CLASP1: variants seen among roughly 807,000 people sequenced by gnomAD.
The protein encoded by CLASP1 is cytoplasmic linker associated protein 1.
In CLASP1, 38 loss-of-function variants were observed where a neutral mutation model predicts 192.3. That is an observed-to-expected ratio of 0.20 (90% CI 0.15 to 0.26). The LOEUF (loss-of-function observed/expected upper bound fraction) is 0.26, where lower values mean the gene tolerates loss of function less well. Among genes scored for constraint, CLASP1 ranks in the 10% least tolerant of loss-of-function variants. CLASP1 has a pLI of 1.00. For missense variants in CLASP1, 1,433 were observed against 1,932.5 expected, an observed-to-expected ratio of 0.74 and a Z score of 4.85; for synonymous variants, 691 against 712.8, an observed-to-expected ratio of 0.97 and a Z score of 0.49.
At chr2:121,396,800 C>T (rs1179234844) in intron 30 of CLASP1, among the ~76,000 whole-genome samples, 1 of 152,160 alleles carries the variant, frequency 6.6e-6, no homozygotes, top group Non-Finnish European at 1.5e-5. Flanking sequence ...ACCCTGTAGC[C>T]AGCTAGCCCT....
In CLASP1 at chr2:121,478,750, A is replaced by C. The variant is rs1575270512; in HGVS notation, c.713-8790T>G. Among the ~76,000 whole-genome samples, 12 of 59,494 alleles carry C rather than the reference A, an allele frequency of 2.0e-4. 1 individual carries two copies. The highest frequency in any genetic ancestry group is 1.2e-3 in the South Asian group (2 of 1,688). The allele number at this position is 59,494 out of a possible 152,430, so 39.0% of individuals were successfully genotyped here. ...CACACCACACACACACCCCACACAC[A>C]CCACACACACACCACACACCCCACA... On this transcript the variant is annotated intron_variant, in intron 8 of 39. Transcript: ENST00000263710.
At chr2:121,474,964 A>G (rs2091422083) in intron 8 of CLASP1, among the ~76,000 whole-genome samples, 1 of 152,234 alleles carries the variant, frequency 6.6e-6, no homozygotes, top group African/African-American at 2.4e-5. Flanking sequence ...AAGGCCTAAT[A>G]GCCTAATAGA....
chr2:121,506,830 G>A (rs957304946), intron 7 of CLASP1, among the ~76,000 whole-genome samples: 6 of 152,210 alleles, frequency 3.9e-5, no homozygotes, highest in African/African-American at 1.4e-4. Flanking sequence ...TCACCGCTAA[G>A]CTAACCAACC....
chr2:121,524,892 G>T (rs2094538885), intron 6 of CLASP1, among the ~76,000 whole-genome samples: 1 of 152,176 alleles, frequency 6.6e-6, no homozygotes, highest in Non-Finnish European at 1.5e-5. Context: ...AAAGAGAAGG[G>T]AGAGACGCCT....
At chr2:121,560,082 A>T (rs2058942149) in intron 2 of CLASP1, among the ~76,000 whole-genome samples, 1 of 152,108 alleles carries the variant, frequency 6.6e-6, no homozygotes, top group Admixed American at 6.6e-5. Flanking sequence ...TAAGAAGCTC[A>T]CACTAAGGGA....
At chr2:121,445,217 T>C (rs1413977228) in intron 19 of CLASP1, among the ~76,000 whole-genome samples, 1 of 152,184 alleles carries the variant, frequency 6.6e-6, no homozygotes, top group African/African-American at 2.4e-5. Context: ...CCCAGGGTAG[T>C]GCCACAGTTG....
At chr2:121,633,426 C>A (rs549439776) in intron 1 of CLASP1, among the ~76,000 whole-genome samples, 2 of 142,242 alleles carry the variant, frequency 1.4e-5, no homozygotes, top group East Asian at 4.1e-4. Context: ...CCTAAAAGAA[C>A]AATGTCTAAC....
intron 8 of CLASP1, among the ~76,000 whole-genome samples, chr2:121,496,868 T>C (rs553214527): frequency 6.6e-6 from 1 of 152,316 alleles, no homozygotes; most frequent in South Asian, 2.1e-4. Context: ...TGTGTATATA[T>C]ACACAATGGT....
intron 14 of CLASP1, among the ~76,000 whole-genome samples, chr2:121,452,576 A>G (rs1329083483): frequency 6.6e-6 from 1 of 152,092 alleles, no homozygotes; most frequent in Non-Finnish European, 1.5e-5. Flanking sequence ...GGATCACTTG[A>G]GGTCATGAGT....
chr2:121,530,883 C>T lies in CLASP1; in HGVS notation c.196-558G>A, dbSNP rs564290155. 313 of 692,286 alleles carry T rather than the reference C, an allele frequency of 4.5e-4. No homozygotes were observed. The highest frequency in any genetic ancestry group is 5.6e-4 in the Non-Finnish European group (213 of 378,510). 42.9% of individuals were successfully genotyped at this position (692,286 alleles called of 1,614,324 possible). On this transcript the variant is annotated intron_variant, in intron 2 of 39. Coordinates refer to ENST00000263710, the Ensembl canonical transcript of CLASP1. Reference sequence around the variant, plus strand: ...CAGCCCAGGGACTTTCTATTATAACCATCCTTTTCTTGGGGTTGCGCTACT... The same window carrying T: ...CAGCCCAGGGACTTTCTATTATAACTATCCTTTTCTTGGGGTTGCGCTACT...
intron 34 of CLASP1, among the ~76,000 whole-genome samples, chr2:121,369,984 G>A (rs1172843707): frequency 6.6e-6 from 1 of 152,124 alleles, no homozygotes; most frequent in African/African-American, 2.4e-5. Flanking sequence ...AGATCCTTAT[G>A]CTCTTTCTAG....
chr2:121,435,740 AT>A (rs1445542603), intron 19 of CLASP1, among the ~76,000 whole-genome samples: 1 of 152,234 alleles, frequency 6.6e-6, no homozygotes, highest in Admixed American at 6.5e-5. Context: ...AGATACAGTA[AT>A]TTTAAGGGCT....
chr2:121,642,401 TAA>T lies in CLASP1; in HGVS notation c.-286+6969_-286+6970del, dbSNP rs35181269. Among the ~76,000 whole-genome samples the T allele has an allele frequency of 7.0e-3, 750 of 107,422 alleles. 7 individuals are homozygous for T. Among genetic ancestry groups the T allele is most frequent in the African/African-American group, 0.023 (676 of 29,892 alleles). The allele number at this position is 107,422 out of a possible 152,430, so 70.5% of individuals were successfully genotyped here. On this transcript the variant is annotated intron_variant, in intron 1 of 39. Transcript: ENST00000263710. ...GGTGACAGAGCAGGTATCTTTTTGC[TAA>T]AAAAAAAAAAAAAAAGAAAAAAGAA...
chr2:121,390,001 A>C (rs1401870455), intron 30 of CLASP1, among the ~76,000 whole-genome samples: 2 of 152,156 alleles, frequency 1.3e-5, no homozygotes, highest in Non-Finnish European at 2.9e-5. Flanking sequence ...CAGTCTCTGG[A>C]GTAGCTGGGA....
chr2:121,495,131 G>A (rs2093475196), intron 8 of CLASP1, among the ~76,000 whole-genome samples: 2 of 151,904 alleles, frequency 1.3e-5, no homozygotes, highest in Admixed American at 1.3e-4. Flanking sequence ...GACCATCCTG[G>A]CTAACACAGT....
intron 37 of CLASP1, among the ~76,000 whole-genome samples, chr2:121,349,222 A>G (rs942966244): frequency 2.0e-5 from 3 of 151,870 alleles, no homozygotes; most frequent in African/African-American, 7.3e-5. Flanking sequence ...CCTGGGTGAC[A>G]GTGCAAGACT....
At chr2:121,517,316 A>G (rs530733262) in intron 6 of CLASP1, among the ~76,000 whole-genome samples, 1 of 152,360 alleles carries the variant, frequency 6.6e-6, no homozygotes, top group South Asian at 2.1e-4. Context: ...GTGGAGAATG[A>G]AGAGAAAAGA....
At chr2:121,343,279 G>A (rs1278179915) in intron 39 of CLASP1, among the ~76,000 whole-genome samples, 4 of 152,176 alleles carry the variant, frequency 2.6e-5, no homozygotes, top group Non-Finnish European at 5.9e-5. Flanking sequence ...TAGAACCCTT[G>A]TGCACTGTTG....
intron 37 of CLASP1, among the ~76,000 whole-genome samples, chr2:121,351,090 G>A (rs1029232167): frequency 2.6e-5 from 4 of 152,276 alleles, no homozygotes; most frequent in East Asian, 1.9e-4. Flanking sequence ...CACCTCATTC[G>A]TCTTCCTGAA....
Sources: allele counts gnomAD v4.1 joint callset (sites outside exome capture counted in the v4.1 genomes callset), GRCh38; gene constraint gnomAD v4.1.1; transcripts MANE v1.5; gene names NCBI Gene and HGNC (gene_info 2026-07-23, HGNC 2026-07-21).